The following CELF2 variants were observed in gnomAD, a reference collection of about 807,000 sequenced individuals.
The protein encoded by CELF2 is CUG triplet repeat RNA-binding protein 2.
CELF2 carries 8 observed loss-of-function variants against 62.6 expected under a neutral mutation model. The observed-to-expected ratio is 0.13, with a 90% CI of 0.07 to 0.23. The LOEUF (loss-of-function observed/expected upper bound fraction) is 0.23. CELF2 is among the 10% of genes least tolerant of loss of function. The pLI, the probability that CELF2 is intolerant of heterozygous loss-of-function variation, is 1.00. For synonymous variants in CELF2, 258 were observed against 250.0 expected (o/e 1.03, Z -0.30); for missense variants, 333 against 671.0 (o/e 0.50, Z 5.56).
chr10:10,776,685 G>A, the CELF2 span: 102 of 156,768 alleles, frequency 6.5e-4, no homozygotes, highest in South Asian at 1.6e-3. Flanking sequence ...CCCCACTCCC[G>A]GCTGCATGCA....
the CELF2 span, among the ~76,000 whole-genome samples, chr10:10,726,256 G>T: frequency 6.6e-6 from 1 of 152,180 alleles, no homozygotes; most frequent in Non-Finnish European, 1.5e-5. Flanking sequence ...GGCATCCAAG[G>T]CTAAGAGGGT....
At chr10:10,724,921 C>T in the CELF2 span, among the ~76,000 whole-genome samples, 1 of 151,136 alleles carries the variant, frequency 6.6e-6, no homozygotes, top group East Asian at 1.9e-4. Flanking sequence ...ATTCAGAAAG[C>T]TCTGAAGGGG....
chr10:10,924,190 G>C (rs2065206598), intron 2 of CELF2: 1 of 144,914 alleles, frequency 6.9e-6, no homozygotes, highest in African/African-American at 2.5e-5. Context: ...GCTGAGGCAG[G>C]AGAATGGCGT....
the CELF2 span, among the ~76,000 whole-genome samples, chr10:10,668,274 CCCTTTTAAT>C: frequency 3.9e-5 from 6 of 152,130 alleles, no homozygotes; most frequent in Non-Finnish European, 8.8e-5. Flanking sequence ...TCCTCAGGTC[CCCTTTTAAT>C]CTTCCCTCCC....
intron 1 of CELF2, among the ~76,000 whole-genome samples, chr10:11,118,596 T>C (rs1195592651): frequency 2.6e-5 from 4 of 152,194 alleles, no homozygotes; most frequent in African/African-American, 4.8e-5. Context: ...CTTCAGATTT[T>C]TGCGTAAGGT....
At chr10:10,785,543 A>G in the CELF2 span, among the ~76,000 whole-genome samples, 3 of 152,194 alleles carry the variant, frequency 2.0e-5, no homozygotes, top group Admixed American at 1.3e-4. Context: ...ATTTAACCTT[A>G]AAAAAAGAAG....
chr10:11,080,312 G>A (rs558508635), intron 1 of CELF2, among the ~76,000 whole-genome samples: 1 of 146,226 alleles, frequency 6.8e-6, no homozygotes, highest in East Asian at 1.9e-4. Context: ...GTCTTTTACA[G>A]TCATGAATGG....
the CELF2 span, among the ~76,000 whole-genome samples, chr10:10,497,566 G>A: frequency 6.6e-6 from 1 of 152,122 alleles, no homozygotes; most frequent in East Asian, 1.9e-4. Flanking sequence ...GAAAGGGAGA[G>A]ATGAAGGGTT....
At chr10:11,132,988 A>G (rs1405753530) in intron 1 of CELF2, among the ~76,000 whole-genome samples, 2 of 152,216 alleles carry the variant, frequency 1.3e-5, no homozygotes, top group African/African-American at 2.4e-5. Flanking sequence ...GATGGCAGCA[A>G]TGTTTGGTCA....
chr10:10,881,227 T>TA (rs1326844343), intron 1 of CELF2, among the ~76,000 whole-genome samples: 2 of 152,214 alleles, frequency 1.3e-5, no homozygotes, highest in African/African-American at 4.8e-5. Flanking sequence ...ATCACTGGAA[T>TA]AAATTTACAT....
At chr10:10,762,561 G>A in the CELF2 span, among the ~76,000 whole-genome samples, 47 of 152,218 alleles carry the variant, frequency 3.1e-4, no homozygotes, top group South Asian at 7.3e-3. Context: ...TCAAACTAAC[G>A]CTCGGGAACT....
intron 1 of CELF2, among the ~76,000 whole-genome samples, chr10:11,081,498 A>C (rs907592460): frequency 6.6e-6 from 1 of 152,244 alleles, no homozygotes; most frequent in African/African-American, 2.4e-5. Flanking sequence ...TTTCCCAGGA[A>C]AGATGGAAAT....
chr10:10,693,181 C>G, the CELF2 span, among the ~76,000 whole-genome samples: 1 of 102,910 alleles, frequency 9.7e-6, no homozygotes, highest in Non-Finnish European at 2.0e-5. Flanking sequence ...TGAAATACGT[C>G]CCATCAATAC....
At chr10:10,586,625 A>C in the CELF2 span, among the ~76,000 whole-genome samples, 2 of 152,186 alleles carry the variant, frequency 1.3e-5, no homozygotes, top group Non-Finnish European at 2.9e-5. Flanking sequence ...CTGAGTTCCA[A>C]CCTAATCATG....
intron 2 of CELF2, among the ~76,000 whole-genome samples, chr10:10,937,839 A>G (rs999450475): frequency 6.6e-6 from 1 of 151,780 alleles, no homozygotes; most frequent in South Asian, 2.1e-4. Context: ...GTATGAATGT[A>G]TATATATATA....
intron 1 of CELF2, among the ~76,000 whole-genome samples, chr10:11,150,363 A>G (rs552726994): frequency 1.3e-5 from 2 of 152,304 alleles, no homozygotes; most frequent in South Asian, 4.1e-4. Flanking sequence ...CCTGCATGCC[A>G]TGTCTTAGAG....
chr10:10,641,572 C>A, the CELF2 span, among the ~76,000 whole-genome samples: 2 of 152,104 alleles, frequency 1.3e-5, no homozygotes, highest in Non-Finnish European at 2.9e-5. Flanking sequence ...TCCCAAGTAG[C>A]TGGGATTACA....
intron 7 of CELF2, among the ~76,000 whole-genome samples, chr10:11,274,227 T>C (rs968789244): frequency 1.3e-5 from 2 of 152,120 alleles, no homozygotes; most frequent in Non-Finnish European, 2.9e-5. Flanking sequence ...AAAAAGAAGA[T>C]CCATAAGTTC....
the CELF2 span, among the ~76,000 whole-genome samples, chr10:10,597,705 CT>C: frequency 6.6e-6 from 1 of 152,206 alleles, no homozygotes; most frequent in Non-Finnish European, 1.5e-5. Flanking sequence ...AGTACAGCAA[CT>C]TTAACAAAAT....
Sources: allele counts gnomAD v4.1 joint callset (sites outside exome capture counted in the v4.1 genomes callset), GRCh38; gene constraint gnomAD v4.1.1; transcripts MANE v1.5; gene names NCBI Gene and HGNC (gene_info 2026-07-23, HGNC 2026-07-21).